CHRDL2: variants seen among roughly 807,000 people sequenced by gnomAD.
CHRDL2 encodes chordin-like protein 2.
A neutral mutation model predicts 54.3 loss-of-function variants in CHRDL2; 41 were observed. That is an observed-to-expected ratio of 0.76 (90% CI 0.59 to 0.98). The LOEUF is 0.98. CHRDL2 is among the 50% of genes least tolerant of loss of function. The pLI is 0.00. For synonymous variants in CHRDL2, 220 were observed against 224.3 expected, an observed-to-expected ratio of 0.98 and a Z score of 0.17; for missense variants, 518 against 562.4, an observed-to-expected ratio of 0.92 and a Z score of 0.80.
At chr11:74,723,184 G>C (rs1028294708) in intron 1 of CHRDL2, among the ~76,000 whole-genome samples, 1 of 152,172 alleles carries the variant, frequency 6.6e-6, no homozygotes, top group Non-Finnish European at 1.5e-5. Context: ...CAATGGGCAG[G>C]CTTTGGGACA....
At chr11:74,728,881 A>G (rs2034609690) in intron 1 of CHRDL2, among the ~76,000 whole-genome samples, 1 of 152,168 alleles carries the variant, frequency 6.6e-6, no homozygotes, top group South Asian at 2.1e-4. Flanking sequence ...AGTTGGCTCC[A>G]AGTCTTTTTC....
Position 74,713,381 on chromosome 11 carries a change from C to T in CHRDL2, c.289+5G>A. 6.2e-7 allele frequency: 1 copy of T among 1,613,352 alleles called. No individual in the cohort carries two copies. The highest frequency in any genetic ancestry group is 8.5e-7 in the Non-Finnish European group (1 of 1,179,396). On this transcript the variant is annotated splice_donor_5th_base_variant and intron_variant, in intron 3 of 10. Transcript: ENST00000376332. ...TGGACGATGGGGAGGAGCATGGCTA[C>T]TTACCCACACACTTGGGACAGCATT...
At chr11:74,717,021 G>A (rs2034376082) in intron 2 of CHRDL2, among the ~76,000 whole-genome samples, 1 of 152,140 alleles carries the variant, frequency 6.6e-6, no homozygotes, top group Admixed American at 6.5e-5. Context: ...CTGAGCCTGG[G>A]AAGTCAAGGC....
chr11:74,705,595 TG>T (rs1388555369), intron 6 of CHRDL2, among the ~76,000 whole-genome samples: 1 of 152,220 alleles, frequency 6.6e-6, no homozygotes, highest in East Asian at 1.9e-4. Flanking sequence ...AGTCTCCTAA[TG>T]CTTGCTCCAG....
intron 10 of CHRDL2, among the ~76,000 whole-genome samples, chr11:74,696,926 T>G (rs1160678551): frequency 1.3e-5 from 2 of 151,784 alleles, no homozygotes; most frequent in African/African-American, 4.8e-5. Flanking sequence ...AGAGAGGGAG[T>G]GGGCAGTACC....
At chr11:74,708,669 C>T (rs543324897) in intron 4 of CHRDL2, among the ~76,000 whole-genome samples, 1 of 152,312 alleles carries the variant, frequency 6.6e-6, no homozygotes, top group Admixed American at 6.5e-5. Context: ...CCTGGTAAGG[C>T]GGGAATCTCC....
At chr11:74,697,358 A>C in intron 9 of CHRDL2, 61 bp from the exon 10 acceptor site, 1 of 1,245,452 alleles carries the variant, frequency 8.0e-7, no homozygotes, top group Non-Finnish European at 1.2e-6. Flanking sequence ...GTGAAAAGTG[A>C]AACAGGGTGA....
At chr11:74,725,319 G>A (rs537687291) in intron 1 of CHRDL2, among the ~76,000 whole-genome samples, 1 of 152,322 alleles carries the variant, frequency 6.6e-6, no homozygotes, top group South Asian at 2.1e-4. Context: ...AACAAAAGGA[G>A]TAGTTCATTA....
At chr11:74,707,450 C>T (rs760545111) in intron 5 of CHRDL2, among the ~76,000 whole-genome samples, 2 of 152,204 alleles carry the variant, frequency 1.3e-5, no homozygotes, top group Non-Finnish European at 2.9e-5. Context: ...ATTCTGCTCA[C>T]GCTTAGCCTG....
intron 9 of CHRDL2, chr11:74,698,476 C>T (rs2033680005): frequency 6.6e-6 from 1 of 152,222 alleles, no homozygotes; most frequent in African/African-American, 2.4e-5. Context: ...GGGGCACCCA[C>T]AGCACCTGGC....
At chr11:74,724,310 C>T (rs773965366) in intron 1 of CHRDL2, among the ~76,000 whole-genome samples, 6 of 152,248 alleles carry the variant, frequency 3.9e-5, no homozygotes, top group Admixed American at 6.5e-5. Context: ...GACACTAGCT[C>T]CCTTTCCCAC....
Position 74,706,467 on chromosome 11 carries a change from C to G in CHRDL2, c.582+20G>C, listed in dbSNP as rs527706593. 1.1e-4 allele frequency: 173 copies of G among 1,613,580 alleles called. 5 individuals carry two copies. The South Asian group carries it at 1.4e-3, about 14-fold the overall frequency. On this transcript the variant is annotated intron_variant, in intron 6 of 10. Transcript: ENST00000376332. ...CCCAGCCCCCTGTCCCGCACCCCGT[C>G]AATAAGGCCGTGCACTCACCACCCC... is the stretch of plus-strand genomic sequence containing the variant.
chr11:74,714,679 G>A (rs1403264158), intron 2 of CHRDL2, among the ~76,000 whole-genome samples: 1 of 152,210 alleles, frequency 6.6e-6, no homozygotes, highest in African/African-American at 2.4e-5. Context: ...ACGCACATGG[G>A]TGCTTAATAA....
intron 9 of CHRDL2, chr11:74,701,324 C>T (rs1299646752): frequency 7.8e-6 from 3 of 386,378 alleles, no homozygotes; most frequent in East Asian, 7.6e-5. Flanking sequence ...AGTCTGGATT[C>T]AAACTGGCAG....
intron 1 of CHRDL2, among the ~76,000 whole-genome samples, chr11:74,730,170 C>T (rs1347985333): frequency 6.6e-6 from 1 of 152,172 alleles, no homozygotes. Context: ...TCTCACTGTG[C>T]CCTGCCGCCT....
intron 2 of CHRDL2, among the ~76,000 whole-genome samples, chr11:74,717,768 TG>T (rs1040214672): frequency 1.3e-5 from 2 of 152,098 alleles, no homozygotes; most frequent in Non-Finnish European, 2.9e-5. Context: ...AGGGAAAGAG[TG>T]GGGCTGGGAG....
At chr11:74,697,108 C>T in intron 10 of CHRDL2, 97 bp downstream of exon 10, 1 of 911,914 alleles carries the variant, frequency 1.1e-6, no homozygotes, top group Non-Finnish European at 1.7e-6. Flanking sequence ...ACAGCCCCTC[C>T]TCCCGGCACC....
chr11:74,697,595 C>T (rs761495034), intron 9 of CHRDL2: 16 of 498,098 alleles, frequency 3.2e-5, no homozygotes, highest in East Asian at 3.0e-4. Context: ...AACATGTATA[C>T]GTCACCCTGT....
chr11:74,711,047 G>C, intron 3 of CHRDL2, 56 bp from the exon 4 acceptor site: 2 of 1,556,400 alleles, frequency 1.3e-6, no homozygotes, highest in Non-Finnish European at 1.7e-6. Flanking sequence ...GTGAATCTTT[G>C]CTGAAATTAA....
Sources: allele counts gnomAD v4.1 joint callset (sites outside exome capture counted in the v4.1 genomes callset), GRCh38; gene constraint gnomAD v4.1.1; transcripts MANE v1.5; gene names NCBI Gene and HGNC (gene_info 2026-07-23, HGNC 2026-07-21).